Variants in ASIC2 observed in about 807,000 individuals in gnomAD.
ASIC2 encodes the protein acid-sensing ion channel 2.
In ASIC2, 25 loss-of-function variants were observed where a neutral mutation model predicts 57.3. That is an observed-to-expected ratio of 0.44 (90% CI 0.32 to 0.61). The LOEUF is 0.61. Ranked by LOEUF, ASIC2 falls within the 20% of genes least tolerant of loss-of-function variation. ASIC2 has a pLI of 0.06. For missense variants in ASIC2, 641 were observed against 738.1 expected (o/e 0.87, Z 1.52); for synonymous variants, 319 against 307.5 (o/e 1.04, Z -0.39).
At chr17:33,662,487 G>GC (rs1555550470) in intron 1 of ASIC2, among the ~76,000 whole-genome samples, 1 of 57,832 alleles carries the variant, frequency 1.7e-5, no homozygotes, top group Non-Finnish European at 3.1e-5. Context: ...CAGGTGTGGT[G>GC]GGGGGGGCAC....
intron 1 of ASIC2, among the ~76,000 whole-genome samples, chr17:34,104,666 T>C (rs1161833230): frequency 1.3e-5 from 2 of 152,108 alleles, no homozygotes; most frequent in Non-Finnish European, 2.9e-5. Context: ...AGAATTACTG[T>C]CATTAATGAG....
rs140911961 is a variant in ASIC2 at position 33,319,608 on chromosome 17, G to T, written c.556-207541C>A. Among the ~76,000 whole-genome samples, 350 of 152,240 alleles carry T rather than the reference G, an allele frequency of 2.3e-3. 1 individual carries two copies. The highest frequency in any genetic ancestry group is 8.2e-3 in the African/African-American group (341 of 41,536). On this transcript the variant is annotated intron_variant, in intron 1 of 9. Transcript: ENST00000359872. ...TAATAATTATATTGGGGTAAATGGG[G>T]TATTCACCACCTCAAGCATTTATCC...
chr17:34,117,948 C>T (rs780345091), intron 1 of ASIC2, among the ~76,000 whole-genome samples: 5 of 152,132 alleles, frequency 3.3e-5, no homozygotes, highest in African/African-American at 7.2e-5. Context: ...AAATCAGCTC[C>T]GCAGTGCCTT....
chr17:33,168,052 G>C (rs184699789), intron 1 of ASIC2, among the ~76,000 whole-genome samples: 6 of 152,318 alleles, frequency 3.9e-5, no homozygotes, highest in Admixed American at 3.9e-4. Flanking sequence ...TTCAGGGAGT[G>C]GGCTCTGGAT....
At chr17:33,405,546 C>T (rs377667092) in intron 1 of ASIC2, among the ~76,000 whole-genome samples, 30 of 149,260 alleles carry the variant, frequency 2.0e-4, no homozygotes, top group Middle Eastern at 3.6e-3. Context: ...AGCAGTGGCG[C>T]GATCTTGGCT....
chr17:33,691,240 CT>C (rs1908358953), intron 1 of ASIC2, among the ~76,000 whole-genome samples: 1 of 152,090 alleles, frequency 6.6e-6, no homozygotes, highest in African/African-American at 2.4e-5. Flanking sequence ...TGCTGAATAC[CT>C]AGCAAAATTG....
chr17:33,594,218 A>G (rs1289583118), intron 1 of ASIC2, among the ~76,000 whole-genome samples: 1 of 152,218 alleles, frequency 6.6e-6, no homozygotes, highest in African/African-American at 2.4e-5. Context: ...TAGGCCATCT[A>G]TCAGATGGCT....
chr17:34,121,097 A>T (rs1567829410), intron 1 of ASIC2, among the ~76,000 whole-genome samples: 1 of 152,114 alleles, frequency 6.6e-6, no homozygotes, highest in Non-Finnish European at 1.5e-5. Flanking sequence ...GCCATGTGAC[A>T]ACAGAGGCAG....
intron 1 of ASIC2, among the ~76,000 whole-genome samples, chr17:34,096,853 T>C (rs1438502221): frequency 2.1e-5 from 1 of 48,400 alleles, no homozygotes; most frequent in Non-Finnish European, 3.4e-5. Flanking sequence ...TGAGACTCCA[T>C]CTCAAAAAAA....
chr17:33,229,656 T>A (rs1163191223), intron 1 of ASIC2, among the ~76,000 whole-genome samples: 1 of 152,164 alleles, frequency 6.6e-6, no homozygotes, highest in Non-Finnish European at 1.5e-5. Context: ...ACGGTACAGC[T>A]CATTTCGGGA....
intron 1 of ASIC2, among the ~76,000 whole-genome samples, chr17:33,780,207 G>A (rs529230341): frequency 4.4e-4 from 67 of 152,168 alleles, no homozygotes; most frequent in African/African-American, 1.6e-3. Flanking sequence ...CTGACCTCAA[G>A]TGATCCTCCT....
At chr17:33,732,624 A>G (rs1909781726) in intron 1 of ASIC2, among the ~76,000 whole-genome samples, 1 of 150,728 alleles carries the variant, frequency 6.6e-6, no homozygotes, top group Non-Finnish European at 1.5e-5. Flanking sequence ...CAGCCTCCTG[A>G]ATTTTTTTTA....
rs538643459 is a variant in ASIC2, at chr17:33,302,462, C to T, written c.556-190395G>A. ...TCTCACCTCTGCTTCAGGGAGCACT[C>T]ACTAACCAGCTCCTAATCTGTCTTG... On this transcript the variant is annotated intron_variant, in intron 1 of 9. Transcript: ENST00000359872. Among the ~76,000 whole-genome samples the T allele has an allele frequency of 2.0e-4, 31 of 152,294 alleles. No individual in the cohort carries two copies. The East Asian group carries it at 4.6e-3, about 23-fold the overall frequency.
At chr17:33,104,124 T>C (rs530018363) in intron 2 of ASIC2, among the ~76,000 whole-genome samples, 1 of 152,262 alleles carries the variant, frequency 6.6e-6, no homozygotes, top group Non-Finnish European at 1.5e-5. Flanking sequence ...CTTTACATCT[T>C]CCAAAAATTG....
At chr17:33,691,988 G>A (rs547646610) in intron 1 of ASIC2, among the ~76,000 whole-genome samples, 1 of 152,202 alleles carries the variant, frequency 6.6e-6, no homozygotes, top group Admixed American at 6.5e-5. Context: ...TATGCTATAT[G>A]GTAAAGCCCA....
At chr17:33,385,366 C>T (rs774801393) in intron 1 of ASIC2, among the ~76,000 whole-genome samples, 11 of 152,104 alleles carry the variant, frequency 7.2e-5, no homozygotes, top group African/African-American at 1.9e-4. Flanking sequence ...TGAGTGAACC[C>T]CACCATTTAA....
chr17:33,945,107 CA>C (rs1336714994), intron 1 of ASIC2, among the ~76,000 whole-genome samples: 1 of 152,198 alleles, frequency 6.6e-6, no homozygotes, highest in Non-Finnish European at 1.5e-5. Context: ...AGGCTGATGC[CA>C]GGGGCAGCAG....
intron 1 of ASIC2, among the ~76,000 whole-genome samples, chr17:33,977,432 A>C (rs1000685897): frequency 6.6e-6 from 1 of 152,196 alleles, no homozygotes; most frequent in African/African-American, 2.4e-5. Context: ...GTGAACATCA[A>C]AGCTCAGAGG....
chr17:33,981,243 C>G (rs1268733287), intron 1 of ASIC2, among the ~76,000 whole-genome samples: 1 of 152,152 alleles, frequency 6.6e-6, no homozygotes, highest in African/African-American at 2.4e-5. Context: ...AGCCACCGCA[C>G]CCAGCCCTCA....
Sources: gnomAD v4.1 joint callset for allele counts (sites outside exome capture counted in the v4.1 genomes callset) on GRCh38, gnomAD v4.1.1 for gene constraint, MANE v1.5 for transcripts, NCBI Gene and HGNC (gene_info 2026-07-23, HGNC 2026-07-21) for gene names.